The following RNGTT variants were observed in gnomAD, a reference collection of about 807,000 sequenced individuals.
RNGTT encodes the protein RNA guanylyltransferase and 5'-phosphatase.
A neutral mutation model predicts 79.3 loss-of-function variants in RNGTT; 33 were observed. That is an observed-to-expected ratio of 0.42 (90% confidence interval 0.32 to 0.56). RNGTT has a LOEUF of 0.56. Ranked by LOEUF, RNGTT falls within the 20% of genes least tolerant of loss-of-function variation. RNGTT has a pLI of 0.17. For missense variants in RNGTT, 497 were observed against 739.1 expected (o/e 0.67, Z 3.80); for synonymous variants, 222 against 235.9 (o/e 0.94, Z 0.54).
chr6:88,780,672 C>T (rs969446122), intron 12 of RNGTT, among the ~76,000 whole-genome samples: 1 of 151,700 alleles, frequency 6.6e-6, no homozygotes, highest in Non-Finnish European at 1.5e-5. Flanking sequence ...AACGTAATTA[C>T]CAATATAACC....
chr6:88,666,778 T>C (rs1774429264), intron 14 of RNGTT, among the ~76,000 whole-genome samples: 1 of 152,178 alleles, frequency 6.6e-6, no homozygotes, highest in Non-Finnish European at 1.5e-5. Flanking sequence ...CCTTGGACAC[T>C]GTTATTGAAG....
At chr6:88,908,829 C>G in intron 4 of RNGTT, among the ~76,000 whole-genome samples, 1 of 152,168 alleles carries the variant, frequency 6.6e-6, no homozygotes, top group East Asian at 1.9e-4. Context: ...GCCCCTTTGC[C>G]TGCCAACTCT....
chr6:88,660,021 T>C (rs1272158742), intron 14 of RNGTT, among the ~76,000 whole-genome samples: 1 of 152,114 alleles, frequency 6.6e-6, no homozygotes, highest in Non-Finnish European at 1.5e-5. Context: ...ACAAAATAAC[T>C]GTCAGGAAAA....
intron 2 of RNGTT, among the ~76,000 whole-genome samples, chr6:88,936,987 C>T (rs1784684900): frequency 6.6e-6 from 1 of 152,134 alleles, no homozygotes; most frequent in Non-Finnish European, 1.5e-5. Flanking sequence ...TGGTAGGTTG[C>T]ATATATCTAG....
chr6:88,843,097 C>A (rs1582530645), intron 11 of RNGTT, among the ~76,000 whole-genome samples: 1 of 144,080 alleles, frequency 6.9e-6, no homozygotes, highest in African/African-American at 2.6e-5. Flanking sequence ...CAAAACAAAA[C>A]AAAAAACTCA....
intron 11 of RNGTT, among the ~76,000 whole-genome samples, chr6:88,822,239 G>A (rs1180652017): frequency 2.6e-5 from 4 of 152,094 alleles, no homozygotes; most frequent in African/African-American, 9.7e-5. Flanking sequence ...TTTGGGAAGG[G>A]ATTCAAACAT....
intron 1 of RNGTT, among the ~76,000 whole-genome samples, chr6:88,951,154 T>C (rs937258437): frequency 6.6e-6 from 1 of 152,084 alleles, no homozygotes; most frequent in Non-Finnish European, 1.5e-5. Flanking sequence ...CCACCGCACC[T>C]GGCCAATACA....
chr6:88,698,222 C>CATATATATGGA (rs1554206728), intron 13 of RNGTT, among the ~76,000 whole-genome samples: 1 of 70,872 alleles, frequency 1.4e-5, no homozygotes, highest in African/African-American at 1.4e-4. Context: ...ATATATATAT[C>CATATATATGGA]ATATATATAT....
At chr6:88,633,806 G>C (rs542224113) in intron 14 of RNGTT, among the ~76,000 whole-genome samples, 1 of 152,042 alleles carries the variant, frequency 6.6e-6, no homozygotes, top group Non-Finnish European at 1.5e-5. Flanking sequence ...TTGTTTTTAA[G>C]AAGTCCCTTA....
Position 88,612,591 on chromosome 6 carries a change from T to TA in RNGTT, c.*127dup, listed in dbSNP as rs1491024289. ...GCTGGCTACGATAACTTTCTTTTTTTAAAAAAAATTCAAATGTGTATCAAC... is the reference window on the plus strand; with the variant it reads ...GCTGGCTACGATAACTTTCTTTTTTTAAAAAAAAATTCAAATGTGTATCAAC... On this transcript the variant is annotated 3_prime_UTR_variant, in exon 16 of 16. Transcript: ENST00000369485. 42 of 1,059,522 alleles carry TA rather than the reference T, an allele frequency of 4.0e-5. No individual in the cohort carries two copies. Among genetic ancestry groups the TA allele is most frequent in the Non-Finnish European group, 4.9e-5 (35 of 721,616 alleles). 65.6% of individuals were successfully genotyped at this position (1,059,522 alleles called of 1,614,324 possible). A position where few individuals can be genotyped will look rare whatever the true frequency, so the allele number is the denominator to read the frequency against.
intron 11 of RNGTT, 61 bp downstream of exon 11, chr6:88,844,296 A>T: frequency 6.8e-7 from 1 of 1,467,986 alleles, no homozygotes; most frequent in South Asian, 1.2e-5. Flanking sequence ...ATTCATATTC[A>T]TCTTGTAAGC....
rs1474473933 is a variant in RNGTT at position 88,901,533 on chromosome 6, G to A, written c.684+3182C>T. On this transcript the variant is annotated intron_variant, in intron 6 of 15. Coordinates refer to ENST00000369485, the MANE Select transcript of RNGTT (RefSeq NM_003800.5). ...TTTTTTTTTTTTTTTTTGAGATGGA[G>A]TCTCACTCTGTCGACCAGGCTGGAG... is the stretch of plus-strand genomic sequence containing the variant. Among the ~76,000 whole-genome samples, 3 of 87,832 alleles carry A rather than the reference G, an allele frequency of 3.4e-5. No individual in the cohort carries two copies. In the East Asian group the frequency reaches 8.4e-4, roughly 25 times the overall value. The allele number at this position is 87,832 out of a possible 152,430, so 57.6% of individuals were successfully genotyped here. A position where few individuals can be genotyped will look rare whatever the true frequency, so the allele number is the denominator to read the frequency against.
At chr6:88,664,807 G>T (rs956288144) in intron 14 of RNGTT, among the ~76,000 whole-genome samples, 1 of 152,170 alleles carries the variant, frequency 6.6e-6, no homozygotes, top group African/African-American at 2.4e-5. Context: ...CCCCCAAGGA[G>T]CCCATGGTCA....
intron 11 of RNGTT, among the ~76,000 whole-genome samples, chr6:88,838,685 C>A (rs1323648843): frequency 6.6e-6 from 1 of 152,046 alleles, no homozygotes; most frequent in African/African-American, 2.4e-5. Flanking sequence ...TAGTTCTTCC[C>A]CAAAATTGAC....
At chr6:88,932,830 C>T (rs559005415) in intron 2 of RNGTT, among the ~76,000 whole-genome samples, 19 of 152,280 alleles carry the variant, frequency 1.2e-4, no homozygotes, top group Non-Finnish European at 1.8e-4. Flanking sequence ...CTTAGAAACG[C>T]ACACCTAAAC....
chr6:88,851,453 A>T (rs1781670248), intron 9 of RNGTT, among the ~76,000 whole-genome samples: 1 of 152,002 alleles, frequency 6.6e-6, no homozygotes, highest in African/African-American at 2.4e-5. Context: ...GTGTTTTATA[A>T]AAAATTAATA....
At chr6:88,845,282 G>T (rs1240902752) in intron 10 of RNGTT, among the ~76,000 whole-genome samples, 1 of 152,076 alleles carries the variant, frequency 6.6e-6, no homozygotes, top group African/African-American at 2.4e-5. Flanking sequence ...TACATAATAT[G>T]TTCAAAGTTA....
intron 8 of RNGTT, among the ~76,000 whole-genome samples, chr6:88,864,733 A>G (rs1328749922): frequency 1.3e-5 from 2 of 152,158 alleles, no homozygotes; most frequent in Non-Finnish European, 2.9e-5. Flanking sequence ...AATGCAGCAT[A>G]TACATAAAAT....
intron 8 of RNGTT, among the ~76,000 whole-genome samples, chr6:88,875,368 A>C (rs1172660867): frequency 1.3e-5 from 2 of 152,058 alleles, no homozygotes; most frequent in African/African-American, 2.4e-5. Context: ...GGTGGGATAA[A>C]AGTTCTCACA....
Sources: allele counts gnomAD v4.1 joint callset (sites outside exome capture counted in the v4.1 genomes callset), GRCh38; gene constraint gnomAD v4.1.1; transcripts MANE v1.5; gene names NCBI Gene and HGNC (gene_info 2026-07-23, HGNC 2026-07-21).